SCCPDH: variants seen among roughly 807,000 people sequenced by gnomAD.
SCCPDH encodes saccharopine dehydrogenase (putative), also known as saccharopine dehydrogenase-like oxidoreductase.
SCCPDH carries 34 observed loss-of-function variants against 51.5 expected under a neutral mutation model. That is an observed-to-expected ratio of 0.66 (90% CI 0.50 to 0.88). The LOEUF (loss-of-function observed/expected upper bound fraction) is 0.88. SCCPDH is among the 40% of genes least tolerant of loss of function. SCCPDH has a pLI of 0.00. For missense variants in SCCPDH, 464 were observed against 527.1 expected (o/e 0.88, Z 1.17); for synonymous variants, 187 against 191.3 (o/e 0.98, Z 0.19).
chr1:246,744,590 G>T (rs1380025867), intron 5 of SCCPDH, among the ~76,000 whole-genome samples: 1 of 151,892 alleles, frequency 6.6e-6, no homozygotes, highest in African/African-American at 2.4e-5. Flanking sequence ...CAAAGTGCTG[G>T]GATTACAGGT....
Position 246,766,042 on chromosome 1 carries a change from C to G in SCCPDH, c.1103-16C>G, listed in dbSNP as rs1464104529. 10 of 1,569,022 alleles carry G rather than the reference C, an allele frequency of 6.4e-6. No homozygotes were observed. The highest frequency in any genetic ancestry group is 8.7e-6 in the Non-Finnish European group (10 of 1,151,754). ...CATGATTCCTTTCTTTTTCCCTGAT[C>G]AACTGTTTTCTGCAGAGGCTGGCTA... On this transcript the variant is annotated splice_polypyrimidine_tract_variant and intron_variant, in intron 10 of 11. Coordinates refer to ENST00000366510, the MANE Select transcript of SCCPDH (RefSeq NM_016002.3).
intron 1 of SCCPDH, among the ~76,000 whole-genome samples, chr1:246,724,865 C>T (rs1182671724): frequency 6.6e-6 from 1 of 152,006 alleles, no homozygotes; most frequent in Non-Finnish European, 1.5e-5. Context: ...CTCTTTCCCG[C>T]TTTTTGCATT....
intron 1 of SCCPDH, among the ~76,000 whole-genome samples, chr1:246,726,519 T>C (rs1011463166): frequency 6.6e-6 from 1 of 152,128 alleles, no homozygotes; most frequent in Non-Finnish European, 1.5e-5. Flanking sequence ...CCACTGCCCC[T>C]GGCCAAGAAA....
intron 1 of SCCPDH, among the ~76,000 whole-genome samples, chr1:246,725,730 A>G (rs2102978211): frequency 6.6e-6 from 1 of 152,286 alleles, no homozygotes; most frequent in South Asian, 2.1e-4. Flanking sequence ...ATGAAAATAT[A>G]TGCTTCCATT....
chr1:246,741,097 AAAAAACAAAAAAAC>A (rs1181695943), intron 4 of SCCPDH, among the ~76,000 whole-genome samples: 2 of 151,940 alleles, frequency 1.3e-5, no homozygotes, highest in Non-Finnish European at 2.9e-5. Flanking sequence ...GAAAAAAGCA[AAAAAACAAAAAAAC>A]AAAAACAAAA....
intron 4 of SCCPDH, among the ~76,000 whole-genome samples, 177 bp downstream of exon 4, chr1:246,740,478 C>T (rs1668660163): frequency 6.6e-6 from 1 of 152,088 alleles, no homozygotes; most frequent in Non-Finnish European, 1.5e-5. Context: ...GCTATTGAGA[C>T]TATTGTTGAG....
At chr1:246,746,971 A>C (rs1157672335) in intron 5 of SCCPDH, among the ~76,000 whole-genome samples, 2 of 152,248 alleles carry the variant, frequency 1.3e-5, no homozygotes, top group African/African-American at 2.4e-5. Context: ...AGGCTCAGAA[A>C]CAAGAATGAG....
At chr1:246,766,439 C>T (rs1348424146) in intron 11 of SCCPDH, among the ~76,000 whole-genome samples, 1 of 152,074 alleles carries the variant, frequency 6.6e-6, no homozygotes, top group Non-Finnish European at 1.5e-5. Context: ...CAAAAAAGTC[C>T]CTGTTGTTAA....
At position 246,724,525 on chromosome 1, in the gene SCCPDH, G is replaced by T. The variant is rs1168963436; in HGVS notation, c.103G>T (p.Glu35Ter). 13 of 1,551,638 alleles carry T rather than the reference G, an allele frequency of 8.4e-6. No homozygotes were observed. Among genetic ancestry groups the T allele is most frequent in the Non-Finnish European group, 1.1e-5 (13 of 1,151,342 alleles). Reference protein sequence around the residue: ...EEVAREQVDPERSSRLPWAVA... With the variant: ...EEVAREQVDP ...GGTGGCCCGGGAGCAGGTGGACCCG[G>T]AGCGGAGCTCCCGCCTGCCCTGGGC... Residue 35 changes from glutamate to a stop codon, truncating the protein, a stop_gained, in exon 1 of 12, where the codon GAG becomes TAG. Transcript: ENST00000366510. LOFTEE classifies it high-confidence loss of function.
chr1:246,726,591 T>A (rs1463456044), intron 1 of SCCPDH, among the ~76,000 whole-genome samples: 2 of 152,190 alleles, frequency 1.3e-5, no homozygotes, highest in East Asian at 3.8e-4. Context: ...GCTCAGCATT[T>A]AAACTTGATT....
At chr1:246,730,154 T>C (rs1668470877) in intron 2 of SCCPDH, among the ~76,000 whole-genome samples, 1 of 152,120 alleles carries the variant, frequency 6.6e-6, no homozygotes, top group African/African-American at 2.4e-5. Context: ...CTTCTTCACC[T>C]CCTACTCTAT....
chr1:246,745,193 A>G (rs1184742348), intron 5 of SCCPDH, among the ~76,000 whole-genome samples: 8 of 152,252 alleles, frequency 5.3e-5, no homozygotes, highest in Non-Finnish European at 1.0e-4. Flanking sequence ...GGAACGTAAG[A>G]CATTGACGTT....
At chr1:246,765,989 G>T (rs1045274997) in intron 10 of SCCPDH, 69 bp from the exon 11 acceptor site, 5 of 1,027,730 alleles carry the variant, frequency 4.9e-6, no homozygotes, top group South Asian at 4.2e-5. Context: ...TCTACCATTT[G>T]ATTTTTGATG....
chr1:246,746,366 G>A (rs1668762136), intron 5 of SCCPDH, among the ~76,000 whole-genome samples: 1 of 152,118 alleles, frequency 6.6e-6, no homozygotes, highest in Non-Finnish European at 1.5e-5. Flanking sequence ...TCCATACAAT[G>A]TCTGGAATCT....
chr1:246,752,578 G>A (rs1225517358), intron 5 of SCCPDH, among the ~76,000 whole-genome samples: 4 of 152,004 alleles, frequency 2.6e-5, no homozygotes, highest in Non-Finnish European at 5.9e-5. Context: ...AAAGGAATAG[G>A]GTATTGCTTT....
At chr1:246,761,013 A>T (rs1238517673) in intron 9 of SCCPDH, among the ~76,000 whole-genome samples, 1 of 151,822 alleles carries the variant, frequency 6.6e-6, no homozygotes, top group Non-Finnish European at 1.5e-5. Flanking sequence ...TCAAATTCCT[A>T]CTCTCAGACC....
intron 1 of SCCPDH, 38 bp downstream of exon 1, chr1:246,724,650 T>G: frequency 7.0e-7 from 1 of 1,421,508 alleles, no homozygotes; most frequent in Non-Finnish European, 9.1e-7. Flanking sequence ...CGCGGGCGGC[T>G]GGGCCGGGGA....
At chr1:246,734,909 G>GAAA (rs1248770849) in intron 2 of SCCPDH, among the ~76,000 whole-genome samples, 2 of 152,164 alleles carry the variant, frequency 1.3e-5, no homozygotes, top group Non-Finnish European at 2.9e-5. Flanking sequence ...GATAATATGG[G>GAAA]AAATCTAATA....
At chr1:246,724,722 C>G in intron 1 of SCCPDH, 110 bp downstream of exon 1, 1 of 969,668 alleles carries the variant, frequency 1.0e-6, no homozygotes, top group Admixed American at 3.6e-5. Flanking sequence ...TCCCCGAGCC[C>G]TGCGTGAGGA....
Sources: allele counts gnomAD v4.1 joint callset (sites outside exome capture counted in the v4.1 genomes callset), GRCh38; gene constraint gnomAD v4.1.1; transcripts MANE v1.5; gene names NCBI Gene and HGNC (gene_info 2026-07-23, HGNC 2026-07-21).